The following SLC26A4 variants were observed in gnomAD, a reference collection of about 807,000 sequenced individuals.
SLC26A4 encodes the protein solute carrier family 26 member 4.
A neutral mutation model predicts 90.4 loss-of-function variants in SLC26A4; 93 were observed. That is an observed-to-expected ratio of 1.03 (90% CI 0.87 to 1.22). SLC26A4 has a LOEUF of 1.22. SLC26A4 is among the 50% of genes most tolerant of loss of function. The probability of loss-of-function intolerance (pLI) is 0.00; values close to 1 mark genes in which losing one functional copy is unlikely to be tolerated. For synonymous variants in SLC26A4, 393 were observed against 354.6 expected, an observed-to-expected ratio of 1.11 and a Z score of -1.22; for missense variants, 1,127 against 946.2, an observed-to-expected ratio of 1.19 and a Z score of -2.51.
In SLC26A4 at chr7:107,712,595, G is replaced by A. The variant is rs139556627; in HGVS notation, c.2292G>A (p.Thr764=). 57 of 1,585,234 alleles carry A rather than the reference G, an allele frequency of 3.6e-5. No homozygotes were observed. The highest frequency in any genetic ancestry group is 1.7e-4 in the Middle Eastern group (1 of 6,000). ...DTLELIETEL[T]EEELDVQDEA... is the part of the protein sequence containing the mutation. Reference sequence around the variant, plus strand: ...TTGAATTAATAGAAACAGAGCTGACGGAAGAAGAACTTGATGTCCAGGATG... The same window carrying A: ...TTGAATTAATAGAAACAGAGCTGACAGAAGAAGAACTTGATGTCCAGGATG... Residue 764 remains threonine (T), a synonymous_variant, in exon 20 of 21, where the codon ACG becomes ACA. Transcript: ENST00000644269.
intron 3 of SLC26A4, among the ~76,000 whole-genome samples, chr7:107,668,030 G>T (rs1461455687): frequency 6.6e-6 from 1 of 152,110 alleles, no homozygotes; most frequent in Admixed American, 6.6e-5. Context: ...ACCCCCTGAG[G>T]AAATGTAACT....
In SLC26A4 at chr7:107,701,988, C is replaced by A. The variant is rs151176078; in HGVS notation, c.1965C>A (p.Ile655=). 1 of 1,614,080 alleles carries A rather than the reference C, an allele frequency of 6.2e-7. No individual in the cohort carries two copies. The highest frequency in any genetic ancestry group is 8.5e-7 in the Non-Finnish European group (1 of 1,179,944). Residue 655 remains isoleucine (I), a synonymous_variant, in exon 17 of 21, where the codon ATC becomes ATA. Transcript: ENST00000644269. ...AAGTGAACGTTCCCAAAGTGCCAAT[C>A]CATAGCCTTGTGCTTGACTGTGGAG... ...PVKVNVPKVP[I]HSLVLDCGAI...
At chr7:107,691,841 G>T in intron 10 of SLC26A4, 2 of 1,150,450 alleles carry the variant, frequency 1.7e-6, no homozygotes, top group Non-Finnish European at 2.2e-6. Flanking sequence ...ATATCCGGAG[G>T]CATAGCCAGA....
At chr7:107,696,158 T>C in intron 13 of SLC26A4, 119 bp downstream of exon 13, 1 of 759,240 alleles carries the variant, frequency 1.3e-6, no homozygotes, top group East Asian at 2.5e-5. Context: ...GTATATTGAG[T>C]GCTTCTATGC....
chr7:107,713,343 G>A (rs1480394015), intron 20 of SLC26A4, among the ~76,000 whole-genome samples: 1 of 152,192 alleles, frequency 6.6e-6, no homozygotes, highest in Non-Finnish European at 1.5e-5. Context: ...GGCTTCTCAA[G>A]GGAGTTTGTT....
At chr7:107,715,066 T>TAAAAAA (rs543905042) in intron 20 of SLC26A4, among the ~76,000 whole-genome samples, 1 of 98,678 alleles carries the variant, frequency 1.0e-5, no homozygotes, top group Non-Finnish European at 2.1e-5. Flanking sequence ...CCATCTCTAC[T>TAAAAAA]AAAAAAAAAA....
Position 107,689,698 on chromosome 7 carries a change from C to T in SLC26A4, c.1150-426C>T, listed in dbSNP as rs186652920. 5.7e-4 allele frequency among the ~76,000 whole-genome samples: 87 copies of T among 152,234 alleles called. 1 individual carries two copies. The highest frequency in any genetic ancestry group is 2.0e-3 in the African/African-American group (85 of 41,546). ...GCTTGCAAATTTGCAAGTTCTGTAT[C>T]TATATGTTTCTGAAAATACAGTATA... On this transcript the variant is annotated intron_variant, in intron 9 of 20. Transcript: ENST00000644269.
intron 20 of SLC26A4, among the ~76,000 whole-genome samples, chr7:107,715,066 TAAAAA>T (rs543905042): frequency 6.1e-5 from 6 of 98,678 alleles, no homozygotes; most frequent in Non-Finnish European, 1.2e-4. Context: ...CCATCTCTAC[TAAAAA>T]AAAAAAAAAA....
intron 14 of SLC26A4, 64 bp downstream of exon 14, chr7:107,698,175 A>G (rs970469396): frequency 1.5e-5 from 15 of 1,020,374 alleles, no homozygotes; most frequent in Middle Eastern, 2.0e-4. Flanking sequence ...CAGCAGCTCC[A>G]TTTTACGTAC....
At position 107,691,512 on chromosome 7, in the gene SLC26A4, T is replaced by TACACACACACACACAC. The variant is rs760010561; in HGVS notation, c.1263+1276_1263+1277insCACACACACACACACA. ...AGCTAGACTCTGTGTCAAATATATA[T>TACACACACACACACAC]ATACACACACACACACACACACACA... On this transcript the variant is annotated intron_variant, in intron 10 of 20. Coordinates refer to ENST00000644269, the MANE Select transcript of SLC26A4 (RefSeq NM_000441.2). Among the ~76,000 whole-genome samples, 462 of 110,506 alleles carry TACACACACACACACAC rather than the reference T, an allele frequency of 4.2e-3. 3 individuals are homozygous for TACACACACACACACAC. Among genetic ancestry groups the TACACACACACACACAC allele is most frequent in the Middle Eastern group, 0.01 (2 of 196 alleles). The allele number at this position is 110,506 out of a possible 152,430, so 72.5% of individuals were successfully genotyped here. A position where few individuals can be genotyped will look rare whatever the true frequency, so the allele number is the denominator to read the frequency against.
chr7:107,692,187 T>G, intron 10 of SLC26A4: 1 of 769,742 alleles, frequency 1.3e-6, no homozygotes, highest in Non-Finnish European at 1.7e-6. Flanking sequence ...TATTTAGGAA[T>G]GAAGGATGCC....
chr7:107,672,340 A>G (rs1381326313), intron 4 of SLC26A4, 92 bp downstream of exon 4: 1 of 640,600 alleles, frequency 1.6e-6, no homozygotes, highest in East Asian at 3.3e-5. Context: ...GGTTGGTGCA[A>G]AAGTAATTGC....
intron 15 of SLC26A4, among the ~76,000 whole-genome samples, chr7:107,700,895 T>C (rs1279927297): frequency 6.6e-6 from 1 of 152,202 alleles, no homozygotes; most frequent in Non-Finnish European, 1.5e-5. Context: ...GCCTTTGATA[T>C]GCTACTGTCT....
intron 13 of SLC26A4, among the ~76,000 whole-genome samples, chr7:107,697,663 T>A (rs1045252298): frequency 6.6e-6 from 1 of 152,236 alleles, no homozygotes; most frequent in Non-Finnish European, 1.5e-5. Flanking sequence ...AGGCCTTTTC[T>A]CACTTCTCTT....
rs116450551 is a variant in SLC26A4 at position 107,677,471 on chromosome 7, C to T, written c.765+2362C>T. Among the ~76,000 whole-genome samples, 641 of 152,192 alleles carry T rather than the reference C, an allele frequency of 4.2e-3. 8 individuals carry two copies. The highest frequency in any genetic ancestry group is 0.015 in the African/African-American group (614 of 41,518). ...ATTATTATTATCACAGATGAATAGA[C>T]CTCATGAAGCTCGCCGTTCATTTCC... On this transcript the variant is annotated intron_variant, in intron 6 of 20. Coordinates refer to ENST00000644269, the MANE Select transcript of SLC26A4 (RefSeq NM_000441.2).
chr7:107,684,695 G>A (rs1283773235), intron 8 of SLC26A4, among the ~76,000 whole-genome samples: 4 of 152,044 alleles, frequency 2.6e-5, no homozygotes, highest in African/African-American at 9.7e-5. Flanking sequence ...CCAGAGGTGG[G>A]GCTCAGGAAT....
intron 10 of SLC26A4, among the ~76,000 whole-genome samples, chr7:107,692,608 T>C (rs1194454512): frequency 2.0e-5 from 3 of 152,192 alleles, no homozygotes; most frequent in East Asian, 1.9e-4. Context: ...AGAATGAGTA[T>C]TGGTGGACAC....
chr7:107,704,664 T>C (rs1358069183), intron 18 of SLC26A4, among the ~76,000 whole-genome samples: 2 of 152,180 alleles, frequency 1.3e-5, no homozygotes, highest in African/African-American at 4.8e-5. Flanking sequence ...AAAGTTACTT[T>C]CTTGTAAGTC....
chr7:107,696,330 C>T (rs756610421), intron 13 of SLC26A4, among the ~76,000 whole-genome samples: 4 of 152,188 alleles, frequency 2.6e-5, no homozygotes, highest in African/African-American at 4.8e-5. Flanking sequence ...AGATTTGAAC[C>T]TATGTACCTA....
Sources: allele counts gnomAD v4.1 joint callset (sites outside exome capture counted in the v4.1 genomes callset), GRCh38; gene constraint gnomAD v4.1.1; transcripts MANE v1.5; gene names NCBI Gene and HGNC (gene_info 2026-07-23, HGNC 2026-07-21).